The following KLHL32 variants were observed in gnomAD, a reference collection of about 807,000 sequenced individuals.
The protein encoded by KLHL32 is kelch like family member 32, also known as kelch-like protein 32.
In KLHL32, 35 loss-of-function variants were observed where a neutral mutation model predicts 64.8. The ratio of observed to expected loss-of-function variants is 0.54; its 90% CI spans 0.41 to 0.72. The LOEUF (loss-of-function observed/expected upper bound fraction) is 0.72, where lower values mean the gene tolerates loss of function less well. Among genes scored for constraint, KLHL32 ranks in the 30% least tolerant of loss-of-function variants. The pLI is 0.00. For synonymous variants in KLHL32, 259 were observed against 281.0 expected, an observed-to-expected ratio of 0.92 and a Z score of 0.78; for missense variants, 589 against 768.5, an observed-to-expected ratio of 0.77 and a Z score of 2.76.
intron 6 of KLHL32, among the ~76,000 whole-genome samples, chr6:97,097,968 C>T (rs1329726859): frequency 6.6e-6 from 1 of 152,204 alleles, no homozygotes; most frequent in African/African-American, 2.4e-5. Flanking sequence ...ATTCCTGCTT[C>T]CAAACACAGC....
At chr6:97,032,160 C>T (rs1783654181) in intron 3 of KLHL32, among the ~76,000 whole-genome samples, 1 of 152,146 alleles carries the variant, frequency 6.6e-6, no homozygotes, top group South Asian at 2.1e-4. Flanking sequence ...TAGTTCTGAA[C>T]ATTAAAAATA....
At chr6:96,918,843 T>C in the KLHL32 span, among the ~76,000 whole-genome samples, 3 of 152,212 alleles carry the variant, frequency 2.0e-5, no homozygotes, top group Non-Finnish European at 2.9e-5. Flanking sequence ...GGAGAGGATA[T>C]AGTAAAAGAA....
Position 97,096,394 on chromosome 6 carries a change from G to A in KLHL32, c.627+11053G>A, listed in dbSNP as rs76602230. The stretch of plus-strand genomic sequence containing the variant: ...ATCATAATACTCCCACCATTGGCTC[G>A]TTGGTCTCAGCATTAAAGAAAATAG... On this transcript the variant is annotated intron_variant, in intron 6 of 10. Coordinates refer to ENST00000369261, the MANE Select transcript of KLHL32 (RefSeq NM_052904.4). 4.0e-3 allele frequency among the ~76,000 whole-genome samples: 609 copies of A among 152,268 alleles called. 3 individuals are homozygous for A. The highest frequency in any genetic ancestry group is 6.8e-3 in the Non-Finnish European group (461 of 68,020).
chr6:97,001,191 G>GTAA, intron 3 of KLHL32, among the ~76,000 whole-genome samples: 1 of 152,276 alleles, frequency 6.6e-6, no homozygotes, highest in South Asian at 2.1e-4. Flanking sequence ...GGTGAATAAT[G>GTAA]ATGTGTAAAT....
chr6:97,132,057 C>T (rs1261135433), intron 9 of KLHL32, among the ~76,000 whole-genome samples: 1 of 152,168 alleles, frequency 6.6e-6, no homozygotes, highest in African/African-American at 2.4e-5. Flanking sequence ...AACCTTTCAT[C>T]ATTTTGGCGT....
intron 7 of KLHL32, among the ~76,000 whole-genome samples, chr6:97,120,388 G>C (rs1324766893): frequency 6.6e-6 from 1 of 152,174 alleles, no homozygotes; most frequent in Non-Finnish European, 1.5e-5. Context: ...ATAAGCCTCT[G>C]AGAGAAAACA....
At chr6:96,971,573 G>C (rs769435546) in intron 2 of KLHL32, among the ~76,000 whole-genome samples, 20 of 152,090 alleles carry the variant, frequency 1.3e-4, no homozygotes, top group African/African-American at 4.6e-4. Flanking sequence ...CTGATCAAAT[G>C]GTTGCTCCCT....
intron 3 of KLHL32, among the ~76,000 whole-genome samples, chr6:97,037,230 G>A (rs560691382): frequency 1.1e-4 from 16 of 151,986 alleles, no homozygotes; most frequent in African/African-American, 3.6e-4. Flanking sequence ...ACAGTGAAAG[G>A]TTTAACTATA....
intron 5 of KLHL32, among the ~76,000 whole-genome samples, chr6:97,080,538 C>A (rs1379986893): frequency 6.6e-6 from 1 of 152,182 alleles, no homozygotes; most frequent in African/African-American, 2.4e-5. Flanking sequence ...AGGGTGCTTG[C>A]AGTGACAAGT....
At chr6:97,132,544 T>C (rs1799544797) in intron 9 of KLHL32, 109 bp from the exon 10 acceptor site, 4 of 744,956 alleles carry the variant, frequency 5.4e-6, no homozygotes, top group Non-Finnish European at 6.8e-6. Context: ...TCCCATGGAG[T>C]ATACAAATGT....
chr6:97,065,380 A>T (rs754641467), intron 5 of KLHL32, among the ~76,000 whole-genome samples: 9 of 152,202 alleles, frequency 5.9e-5, no homozygotes, highest in Non-Finnish European at 1.0e-4. Flanking sequence ...CTCAAAATAT[A>T]TCCAACTTGT....
chr6:97,024,294 T>A (rs1035357290), intron 3 of KLHL32, among the ~76,000 whole-genome samples: 6 of 152,220 alleles, frequency 3.9e-5, no homozygotes, highest in African/African-American at 7.2e-5. Context: ...AGCAGCCACA[T>A]AGCTGCTGTA....
chr6:97,016,999 G>C (rs560681574), intron 3 of KLHL32, among the ~76,000 whole-genome samples: 1 of 152,140 alleles, frequency 6.6e-6, no homozygotes, highest in African/African-American at 2.4e-5. Context: ...CCAGCCATGT[G>C]GAACTGTGAG....
the KLHL32 span, among the ~76,000 whole-genome samples, chr6:96,906,591 A>T: frequency 6.6e-6 from 1 of 152,190 alleles, no homozygotes; most frequent in East Asian, 1.9e-4. Context: ...ATTCTCATCC[A>T]TGTGGGAGGT....
chr6:96,971,608 T>C lies in KLHL32; in HGVS notation c.24-4389T>C, dbSNP rs142095389. ...TGGCATTACTAAAAGGTCATCTTAC[T>C]GTTCAGGGAGTCTGGGGCTTTCCAT... On this transcript the variant is annotated intron_variant, in intron 2 of 10. Transcript: ENST00000369261. Among the ~76,000 whole-genome samples, 963 of 152,130 alleles carry C rather than the reference T, an allele frequency of 6.3e-3. 13 individuals are homozygous for C. Among genetic ancestry groups the C allele is most frequent in the African/African-American group, 0.022 (920 of 41,538 alleles).
At chr6:97,104,577 G>A (rs374025294) in intron 6 of KLHL32, among the ~76,000 whole-genome samples, 2 of 151,582 alleles carry the variant, frequency 1.3e-5, no homozygotes, top group South Asian at 2.1e-4. Context: ...TATGAGCCTC[G>A]GGCCTCATCA....
chr6:96,967,499 T>TGAGAGA (rs373488464), intron 2 of KLHL32, among the ~76,000 whole-genome samples: 4 of 146,472 alleles, frequency 2.7e-5, no homozygotes, highest in Non-Finnish European at 4.5e-5. Context: ...GGATAGAGAA[T>TGAGAGA]GAGAGAGAGA....
At chr6:96,948,470 G>A (rs576019124) in intron 1 of KLHL32, among the ~76,000 whole-genome samples, 309 of 152,170 alleles carry the variant, frequency 2.0e-3, no homozygotes, top group African/African-American at 7.0e-3. Flanking sequence ...TGTGATGTAG[G>A]TGTGTCCTTA....
chr6:97,047,740 A>G (rs1215419741), intron 4 of KLHL32, among the ~76,000 whole-genome samples: 1 of 152,218 alleles, frequency 6.6e-6, no homozygotes, highest in Non-Finnish European at 1.5e-5. Context: ...ACAAGAGGTC[A>G]GCCACCCAGG....
Sources: allele counts gnomAD v4.1 joint callset (sites outside exome capture counted in the v4.1 genomes callset), GRCh38; gene constraint gnomAD v4.1.1; transcripts MANE v1.5; gene names NCBI Gene and HGNC (gene_info 2026-07-23, HGNC 2026-07-21).